Variants in RBMS3 observed in about 807,000 individuals in gnomAD.
RBMS3 encodes the protein RNA binding motif single stranded interacting protein 3.
RBMS3 carries 27 observed loss-of-function variants against 66.8 expected under a neutral mutation model. The observed-to-expected ratio is 0.40, with a 90% confidence interval of 0.30 to 0.56. The LOEUF (loss-of-function observed/expected upper bound fraction) is 0.56. Among genes scored for constraint, RBMS3 ranks in the 20% least tolerant of loss-of-function variants. RBMS3 has a pLI of 0.40. For missense variants in RBMS3, 513 were observed against 549.5 expected, an observed-to-expected ratio of 0.93 and a Z score of 0.66; for synonymous variants, 188 against 183.0, an observed-to-expected ratio of 1.03 and a Z score of -0.22.
At chr3:29,973,307 A>G (rs1403499184) in intron 12 of RBMS3, among the ~76,000 whole-genome samples, 1 of 152,060 alleles carries the variant, frequency 6.6e-6, no homozygotes, top group African/African-American at 2.4e-5. Flanking sequence ...AGTAGTAACA[A>G]TACGAAAGAT....
chr3:29,320,876 G>A (rs1418662717), intron 1 of RBMS3, among the ~76,000 whole-genome samples: 1 of 151,618 alleles, frequency 6.6e-6, no homozygotes, highest in African/African-American at 2.4e-5. Flanking sequence ...AAACTTTGAA[G>A]TCAGAGAGGA....
chr3:29,707,702 C>A (rs1482209747), intron 4 of RBMS3, among the ~76,000 whole-genome samples: 1 of 152,166 alleles, frequency 6.6e-6, no homozygotes, highest in Non-Finnish European at 1.5e-5. Flanking sequence ...ATCAAAGACA[C>A]TTTTATTTTA....
At chr3:29,866,435 C>T (rs929521605) in intron 6 of RBMS3, among the ~76,000 whole-genome samples, 1 of 152,148 alleles carries the variant, frequency 6.6e-6, no homozygotes, top group African/African-American at 2.4e-5. Context: ...GAACCAGTTT[C>T]TTTACAGCAA....
At chr3:29,864,327 A>G (rs1017675093) in intron 6 of RBMS3, among the ~76,000 whole-genome samples, 3 of 152,212 alleles carry the variant, frequency 2.0e-5, no homozygotes, top group Non-Finnish European at 4.4e-5. Context: ...CGCAGATAAT[A>G]ATAACATAAC....
intron 11 of RBMS3, among the ~76,000 whole-genome samples, chr3:29,942,046 C>T (rs1007365663): frequency 2.0e-5 from 3 of 151,710 alleles, no homozygotes; most frequent in Non-Finnish European, 2.9e-5. Context: ...TGGAAATATT[C>T]TAAAATAACA....
At chr3:29,825,187 C>G (rs140052397) in intron 6 of RBMS3, among the ~76,000 whole-genome samples, 2 of 151,888 alleles carry the variant, frequency 1.3e-5, no homozygotes, top group African/African-American at 4.8e-5. Context: ...ATGCACCCAC[C>G]ACCACACCTG....
Position 29,373,001 on chromosome 3 carries a change from A to G in RBMS3, c.76-61742A>G, listed in dbSNP as rs572402565. Among the ~76,000 whole-genome samples, 6 of 152,312 alleles carry G rather than the reference A, an allele frequency of 3.9e-5. No individual in the cohort carries two copies. The South Asian group carries it at 1.2e-3, about 32-fold the overall frequency. On this transcript the variant is annotated intron_variant, in intron 1 of 14. Coordinates refer to ENST00000383767, the MANE Select transcript of RBMS3 (RefSeq NM_001003793.3). ...CTTATATATTATTAAACCTAAATAT[A>G]AATTTTTAAAACGAGCAGGAAAAAT...
chr3:29,654,082 A>T (rs2149217451), intron 4 of RBMS3, among the ~76,000 whole-genome samples: 1 of 152,326 alleles, frequency 6.6e-6, no homozygotes, highest in African/African-American at 2.4e-5. Context: ...GTAGTAAGTC[A>T]ATTTGAAGGT....
intron 14 of RBMS3, among the ~76,000 whole-genome samples, chr3:29,993,209 T>TTGTTAATTTAATTGACATAGCCTGTGTGA (rs1376469855): frequency 1.3e-5 from 2 of 152,214 alleles, no homozygotes; most frequent in East Asian, 3.8e-4. Context: ...CCATATGTTA[T>TTGTTAATTTAATTGACATAGCCTGTGTGA]TGTTAATTTA....
At chr3:29,803,900 G>C (rs1031368022) in intron 6 of RBMS3, among the ~76,000 whole-genome samples, 16 of 151,888 alleles carry the variant, frequency 1.1e-4, no homozygotes, top group African/African-American at 3.6e-4. Flanking sequence ...CATTTAATTT[G>C]GCAATATTTT....
chr3:29,359,717 T>C (rs1321010634), intron 1 of RBMS3, among the ~76,000 whole-genome samples: 1 of 152,220 alleles, frequency 6.6e-6, no homozygotes, highest in Admixed American at 6.5e-5. Context: ...ATTGCCTCAA[T>C]TTCAGAGCCT....
At chr3:29,350,005 A>C (rs751920162) in intron 1 of RBMS3, among the ~76,000 whole-genome samples, 1 of 152,124 alleles carries the variant, frequency 6.6e-6, no homozygotes, top group Non-Finnish European at 1.5e-5. Flanking sequence ...TACTAAAAAT[A>C]CAAAATTAGC....
chr3:29,922,253 C>T (rs1182726852), intron 10 of RBMS3, among the ~76,000 whole-genome samples: 1 of 151,468 alleles, frequency 6.6e-6, no homozygotes, highest in East Asian at 1.9e-4. Context: ...TTTGGGAGGC[C>T]GAGGCGGGTG....
At chr3:29,923,536 C>T (rs1032488389) in intron 10 of RBMS3, among the ~76,000 whole-genome samples, 3 of 152,040 alleles carry the variant, frequency 2.0e-5, no homozygotes, top group African/African-American at 4.8e-5. Flanking sequence ...TGTCAAGTCA[C>T]CTGATTTTGC....
intron 12 of RBMS3, among the ~76,000 whole-genome samples, chr3:29,948,725 G>A (rs1294404977): frequency 6.6e-6 from 1 of 151,684 alleles, no homozygotes; most frequent in Non-Finnish European, 1.5e-5. Context: ...CATTTATGTT[G>A]ACTACAAAAC....
chr3:29,775,633 G>A (rs2056402815), intron 6 of RBMS3, among the ~76,000 whole-genome samples: 2 of 152,092 alleles, frequency 1.3e-5, no homozygotes, highest in African/African-American at 2.4e-5. Context: ...TCTTTTAGTC[G>A]CTGCTAATTT....
intron 2 of RBMS3, among the ~76,000 whole-genome samples, chr3:29,457,270 C>T (rs141924668): frequency 2.6e-4 from 40 of 152,302 alleles, no homozygotes; most frequent in South Asian, 4.1e-4. Flanking sequence ...CTTTGACTAC[C>T]TCCACCTAGG....
chr3:29,913,585 G>T (rs1267501600), intron 10 of RBMS3, among the ~76,000 whole-genome samples: 1 of 151,944 alleles, frequency 6.6e-6, no homozygotes, highest in Non-Finnish European at 1.5e-5. Context: ...AAAGAACATT[G>T]TGCTCTTGGC....
At chr3:29,846,244 G>T (rs1199991437) in intron 6 of RBMS3, among the ~76,000 whole-genome samples, 1 of 152,106 alleles carries the variant, frequency 6.6e-6, no homozygotes, top group Admixed American at 6.6e-5. Flanking sequence ...AAAAGAGATG[G>T]TGGTAATTTT....
Sources: gnomAD v4.1 joint callset for allele counts (sites outside exome capture counted in the v4.1 genomes callset) on GRCh38, gnomAD v4.1.1 for gene constraint, MANE v1.5 for transcripts, NCBI Gene and HGNC (gene_info 2026-07-23, HGNC 2026-07-21) for gene names.